PLCL1: variants seen among roughly 807,000 people sequenced by gnomAD.
PLCL1 encodes inactive phospholipase C-like protein 1.
PLCL1 carries 41 observed loss-of-function variants against 84.4 expected under a neutral mutation model. That is an observed-to-expected ratio of 0.49 (90% CI 0.38 to 0.63). PLCL1 has a LOEUF of 0.63. Ranked by LOEUF, PLCL1 falls within the 30% of genes least tolerant of loss-of-function variation. The pLI, the probability that PLCL1 is intolerant of heterozygous loss-of-function variation, is 0.00. For synonymous variants in PLCL1, 490 were observed against 488.3 expected (o/e 1.00, Z -0.05); for missense variants, 1,206 against 1,367.8 (o/e 0.88, Z 1.87).
At chr2:198,031,511 G>T (rs1691422698) in intron 1 of PLCL1, among the ~76,000 whole-genome samples, 1 of 151,844 alleles carries the variant, frequency 6.6e-6, no homozygotes, top group African/African-American at 2.4e-5. Flanking sequence ...GATTGATTGA[G>T]ACAGGGTCTC....
intron 1 of PLCL1, among the ~76,000 whole-genome samples, chr2:198,037,513 G>A (rs1691575638): frequency 6.6e-6 from 1 of 152,124 alleles, no homozygotes; most frequent in South Asian, 2.1e-4. Flanking sequence ...GTTATTCCTG[G>A]GAAAGGCTTT....
rs1553502312 is a variant in PLCL1, at chr2:197,918,971, T to TCA, written c.240+113643_240+113644dup. Among the ~76,000 whole-genome samples, 433 of 144,504 alleles carry TCA rather than the reference T, an allele frequency of 3.0e-3. 5 individuals are homozygous for TCA. The highest frequency in any genetic ancestry group is 4.6e-3 in the African/African-American group (181 of 39,724). 94.8% of individuals were successfully genotyped at this position (144,504 alleles called of 152,430 possible). ...CTCTCTCTCTCTCTCTCTCTCTCCC[T>TCA]CACACACACACATACACACACAAAG... On this transcript the variant is annotated intron_variant, in intron 1 of 5. Coordinates refer to ENST00000428675, the MANE Select transcript of PLCL1 (RefSeq NM_006226.4).
chr2:198,023,919 A>G (rs1207657151), intron 1 of PLCL1, among the ~76,000 whole-genome samples: 2 of 152,228 alleles, frequency 1.3e-5, no homozygotes. Flanking sequence ...AGGATTATAA[A>G]TCATTCTACT....
rs1338497185 is a variant in PLCL1 at position 197,878,669 on chromosome 2, T to C, written c.240+73330T>C. On this transcript the variant is annotated intron_variant, in intron 1 of 5. Coordinates refer to ENST00000428675, the MANE Select transcript of PLCL1 (RefSeq NM_006226.4). Reference sequence around the variant, plus strand: ...TGTGTGTGTGTGTATACAAAGTTCATTGAACAAAGTATAATAGAAAAGTAG... The same window carrying C: ...TGTGTGTGTGTGTATACAAAGTTCACTGAACAAAGTATAATAGAAAAGTAG... Among the ~76,000 whole-genome samples, 4 of 152,112 alleles carry C rather than the reference T, an allele frequency of 2.6e-5. No individual in the cohort carries two copies. In the East Asian group the frequency reaches 5.8e-4, roughly 22 times the overall value.
chr2:197,960,949 C>T (rs547134796), intron 1 of PLCL1, among the ~76,000 whole-genome samples: 1 of 151,988 alleles, frequency 6.6e-6, no homozygotes, highest in African/African-American at 2.4e-5. Context: ...AAATAGTATT[C>T]GATTATAAAT....
chr2:198,046,608 C>T (rs761935144), intron 1 of PLCL1, among the ~76,000 whole-genome samples: 7 of 152,158 alleles, frequency 4.6e-5, no homozygotes, highest in African/African-American at 1.7e-4. Context: ...GAGGCCCAGG[C>T]AGGTGGATCA....
At chr2:198,090,806 A>G (rs1693008984) in intron 3 of PLCL1, among the ~76,000 whole-genome samples, 1 of 152,242 alleles carries the variant, frequency 6.6e-6, no homozygotes, top group Non-Finnish European at 1.5e-5. Flanking sequence ...GCTAAGAAAA[A>G]GAAATCATTC....
intron 1 of PLCL1, among the ~76,000 whole-genome samples, chr2:197,824,471 TG>T: frequency 6.6e-6 from 1 of 152,092 alleles, no homozygotes; most frequent in Admixed American, 6.6e-5. Flanking sequence ...CCAAACACTT[TG>T]GGGAGCTGAG....
chr2:198,129,980 C>T (rs774490469), intron 5 of PLCL1, among the ~76,000 whole-genome samples: 1 of 151,944 alleles, frequency 6.6e-6, no homozygotes, highest in African/African-American at 2.4e-5. Flanking sequence ...CGTGGCTAAG[C>T]ACTCCCTACT....
Position 198,030,572 on chromosome 2 carries a change from T to G in PLCL1, c.241-53186T>G, listed in dbSNP as rs139486137. 4.5e-3 allele frequency among the ~76,000 whole-genome samples: 680 copies of G among 152,268 alleles called. 24 individuals are homozygous for G. The highest frequency in any genetic ancestry group is 0.04 in the Admixed American group (618 of 15,278). On this transcript the variant is annotated intron_variant, in intron 1 of 5. Coordinates refer to ENST00000428675, the MANE Select transcript of PLCL1 (RefSeq NM_006226.4). ...TACAGAAGCCACATGCTAGCAATAGTATGATGATAATCATAGTAGTTATCA... is the reference window on the plus strand; with the variant it reads ...TACAGAAGCCACATGCTAGCAATAGGATGATGATAATCATAGTAGTTATCA...
At chr2:197,886,458 A>T (rs1245086567) in intron 1 of PLCL1, among the ~76,000 whole-genome samples, 1 of 144,482 alleles carries the variant, frequency 6.9e-6, no homozygotes, top group African/African-American at 2.5e-5. Context: ...AAAAAGTAAA[A>T]TTCTTCAAAT....
At chr2:198,005,772 A>G (rs1690714194) in intron 1 of PLCL1, among the ~76,000 whole-genome samples, 2 of 152,210 alleles carry the variant, frequency 1.3e-5, no homozygotes, top group Non-Finnish European at 2.9e-5. Context: ...GGCTGGTGAC[A>G]GGGGCAGGGA....
At chr2:197,920,485 A>G (rs1688681246) in intron 1 of PLCL1, among the ~76,000 whole-genome samples, 2 of 152,156 alleles carry the variant, frequency 1.3e-5, no homozygotes, top group African/African-American at 2.4e-5. Flanking sequence ...TTTTGAAAAA[A>G]TTATTAACCA....
chr2:198,075,174 T>G (rs1692549324), intron 1 of PLCL1, among the ~76,000 whole-genome samples: 1 of 152,206 alleles, frequency 6.6e-6, no homozygotes, highest in South Asian at 2.1e-4. Flanking sequence ...TGGGCCCTGC[T>G]GTGCAGGGGT....
At chr2:198,061,129 GA>G (rs1692189329) in intron 1 of PLCL1, among the ~76,000 whole-genome samples, 1 of 152,008 alleles carries the variant, frequency 6.6e-6, no homozygotes, top group South Asian at 2.1e-4. Flanking sequence ...ATATGCTCGT[GA>G]AAAAAAGATT....
chr2:197,867,179 TTTCTGCAATGCC>T (rs1213279533), intron 1 of PLCL1, among the ~76,000 whole-genome samples: 4 of 152,198 alleles, frequency 2.6e-5, no homozygotes, highest in Non-Finnish European at 4.4e-5. Flanking sequence ...GGGAAGGGCA[TTTCTGCAATGCC>T]TTCTTTTACT....
intron 1 of PLCL1, among the ~76,000 whole-genome samples, chr2:197,868,303 T>C (rs770731435): frequency 6.6e-6 from 1 of 152,184 alleles, no homozygotes; most frequent in Non-Finnish European, 1.5e-5. Context: ...TGCAGTGTCT[T>C]TCATATCAGA....
chr2:198,139,711 C>T (rs1301162267), intron 5 of PLCL1, among the ~76,000 whole-genome samples: 2 of 152,066 alleles, frequency 1.3e-5, no homozygotes, highest in African/African-American at 4.8e-5. Context: ...AGATTGAGAA[C>T]CTCAGGCCAA....
intron 3 of PLCL1, among the ~76,000 whole-genome samples, chr2:198,100,191 A>G (rs934206413): frequency 2.6e-5 from 4 of 152,128 alleles, no homozygotes; most frequent in African/African-American, 4.8e-5. Context: ...AAATGGATGG[A>G]TGCATCTGGG....
Sources: gnomAD v4.1 joint callset for allele counts (sites outside exome capture counted in the v4.1 genomes callset) on GRCh38, gnomAD v4.1.1 for gene constraint, MANE v1.5 for transcripts, NCBI Gene and HGNC (gene_info 2026-07-23, HGNC 2026-07-21) for gene names.